The following DNER variants were observed in gnomAD, a reference collection of about 807,000 sequenced individuals.
DNER encodes the protein delta/notch like EGF repeat containing, also known as delta and Notch-like epidermal growth factor-related receptor.
A neutral mutation model predicts 78.2 loss-of-function variants in DNER; 33 were observed. The observed-to-expected ratio is 0.42, with a 90% CI of 0.32 to 0.56. The LOEUF (loss-of-function observed/expected upper bound fraction) is 0.56, where lower values mean the gene tolerates loss of function less well. Ranked by LOEUF, DNER falls within the 20% of genes least tolerant of loss-of-function variation. The pLI is 0.11. For synonymous variants in DNER, 417 were observed against 384.8 expected, an observed-to-expected ratio of 1.08 and a Z score of -0.98; for missense variants, 918 against 975.3, an observed-to-expected ratio of 0.94 and a Z score of 0.78.
At chr2:229,689,128 T>C (rs1699529547) in intron 1 of DNER, among the ~76,000 whole-genome samples, 3 of 152,188 alleles carry the variant, frequency 2.0e-5, no homozygotes. Flanking sequence ...ACACTGCACA[T>C]GTACCCCAGA....
chr2:229,598,413 G>C (rs1348350238), intron 1 of DNER, among the ~76,000 whole-genome samples: 1 of 152,194 alleles, frequency 6.6e-6, no homozygotes, highest in East Asian at 1.9e-4. Context: ...CCCTTGAAAA[G>C]CTCACAGTCC....
chr2:229,609,057 T>C (rs1697997695), intron 1 of DNER, among the ~76,000 whole-genome samples: 1 of 152,096 alleles, frequency 6.6e-6, no homozygotes, highest in Admixed American at 6.6e-5. Flanking sequence ...ACCCCATCTC[T>C]ACTAAGAATA....
intron 6 of DNER, among the ~76,000 whole-genome samples, chr2:229,478,566 A>G (rs1695085952): frequency 6.6e-6 from 1 of 152,222 alleles, no homozygotes; most frequent in African/African-American, 2.4e-5. Context: ...CTATTTCAAA[A>G]TTCTAGAACA....
At chr2:229,542,206 C>T (rs1264108421) in intron 5 of DNER, among the ~76,000 whole-genome samples, 3 of 151,990 alleles carry the variant, frequency 2.0e-5, no homozygotes, top group African/African-American at 7.3e-5. Flanking sequence ...GGTAGCCTAA[C>T]AACCTTGATG....
At chr2:229,624,283 G>A (rs1698300629) in intron 1 of DNER, among the ~76,000 whole-genome samples, 1 of 152,152 alleles carries the variant, frequency 6.6e-6, no homozygotes, top group African/African-American at 2.4e-5. Context: ...AAAAAAGCAG[G>A]AAGATGGAGT....
At chr2:229,707,981 C>T (rs1164860756) in intron 1 of DNER, among the ~76,000 whole-genome samples, 1 of 152,172 alleles carries the variant, frequency 6.6e-6, no homozygotes, top group African/African-American at 2.4e-5. Flanking sequence ...GATGATAAAA[C>T]CAAGCCTCAG....
At chr2:229,681,362 A>G (rs7574501) in intron 1 of DNER, among the ~76,000 whole-genome samples, 38,905 of 152,106 alleles carry the variant, frequency 0.26, 5,268 homozygotes, top group East Asian at 0.37. Context: ...AAAATAGCAT[A>G]ATGGTGGACT....
chr2:229,511,003 C>A (rs1210495284), intron 6 of DNER, among the ~76,000 whole-genome samples: 1 of 152,070 alleles, frequency 6.6e-6, no homozygotes, highest in African/African-American at 2.4e-5. Context: ...TACACACAGA[C>A]ACACACACAC....
intron 4 of DNER, among the ~76,000 whole-genome samples, chr2:229,574,643 T>A (rs1431941929): frequency 6.6e-6 from 1 of 152,220 alleles, no homozygotes; most frequent in Non-Finnish European, 1.5e-5. Flanking sequence ...TTTTCTTATC[T>A]TTCTTGTATA....
chr2:229,490,785 A>G (rs1695382394), intron 6 of DNER, among the ~76,000 whole-genome samples: 1 of 152,146 alleles, frequency 6.6e-6, no homozygotes, highest in African/African-American at 2.4e-5. Context: ...AGTCATTCAC[A>G]ACTCTCCACT....
At chr2:229,509,666 T>A (rs1695823802) in intron 6 of DNER, among the ~76,000 whole-genome samples, 1 of 152,072 alleles carries the variant, frequency 6.6e-6, no homozygotes, top group South Asian at 2.1e-4. Context: ...GTACAAAAAT[T>A]ACCCGGGCAT....
intron 4 of DNER, among the ~76,000 whole-genome samples, chr2:229,552,455 C>T (rs1696764420): frequency 6.6e-6 from 1 of 152,152 alleles, no homozygotes; most frequent in African/African-American, 2.4e-5. Context: ...CCCATAAGCC[C>T]CACGTGTGGT....
intron 7 of DNER, among the ~76,000 whole-genome samples, chr2:229,467,379 A>C (rs547455327): frequency 6.6e-6 from 1 of 152,336 alleles, no homozygotes; most frequent in African/African-American, 2.4e-5. Context: ...ACAGAGTCAA[A>C]GAAGGGTTTA....
intron 7 of DNER, among the ~76,000 whole-genome samples, chr2:229,456,101 G>A (rs1319931299): frequency 6.6e-6 from 1 of 152,026 alleles, no homozygotes; most frequent in Non-Finnish European, 1.5e-5. Context: ...TTGGCTGACG[G>A]TTCTGCAGGC....
chr2:229,517,052 A>G (rs1695992656), intron 5 of DNER, among the ~76,000 whole-genome samples: 1 of 147,428 alleles, frequency 6.8e-6, no homozygotes, highest in Non-Finnish European at 1.5e-5. Context: ...CAGAGGATGC[A>G]GTGAGCCGAG....
intron 1 of DNER, among the ~76,000 whole-genome samples, chr2:229,625,892 GTTGTTT>G (rs1333412618): frequency 1.1e-3 from 5 of 4,490 alleles, no homozygotes; most frequent in African/African-American, 1.4e-3. Flanking sequence ...CTTTGTTTTT[GTTGTTT>G]TTGTTGTTGT....
At chr2:229,511,570 G>A (rs1051006457) in intron 6 of DNER, among the ~76,000 whole-genome samples, 2 of 152,148 alleles carry the variant, frequency 1.3e-5, no homozygotes, top group Non-Finnish European at 2.9e-5. Flanking sequence ...TCCCATTGTG[G>A]AGAACAAGGT....
At chr2:229,525,073 A>G (rs1696183407) in intron 5 of DNER, among the ~76,000 whole-genome samples, 1 of 151,998 alleles carries the variant, frequency 6.6e-6, no homozygotes, top group African/African-American at 2.4e-5. Flanking sequence ...CTCTCTCCTC[A>G]TTCCCATGGG....
chr2:229,672,903 G>A (rs190797474), intron 1 of DNER, among the ~76,000 whole-genome samples: 10 of 152,322 alleles, frequency 6.6e-5, no homozygotes, highest in Admixed American at 3.3e-4. Flanking sequence ...TTTTGGAAAG[G>A]AGCATCTCAC....
Sources: allele counts gnomAD v4.1 joint callset (sites outside exome capture counted in the v4.1 genomes callset), GRCh38; gene constraint gnomAD v4.1.1; transcripts MANE v1.5; gene names NCBI Gene and HGNC (gene_info 2026-07-23, HGNC 2026-07-21).